Variants in CRYBG3 observed in about 807,000 individuals in gnomAD.
CRYBG3 encodes the protein very large A-kinase anchor protein.
Under a neutral mutation model 244.2 loss-of-function variants are expected in CRYBG3, and 127 were observed. The ratio of observed to expected loss-of-function variants is 0.52; its 90% CI spans 0.45 to 0.60. The LOEUF (loss-of-function observed/expected upper bound fraction) is 0.60. Among genes scored for constraint, CRYBG3 ranks in the 20% least tolerant of loss-of-function variants. CRYBG3 has a pLI of 0.00. For missense variants in CRYBG3, 3,325 were observed against 3,442.5 expected, an observed-to-expected ratio of 0.97 and a Z score of 0.85; for synonymous variants, 1,132 against 1,195.8, an observed-to-expected ratio of 0.95 and a Z score of 1.10.
chr3:97,886,855 G>A, intron 8 of CRYBG3, 88 bp downstream of exon 8: 1 of 1,177,692 alleles, frequency 8.5e-7, no homozygotes, highest in Non-Finnish European at 1.2e-6. Flanking sequence ...AAAGTTTCTA[G>A]CTAATGTTTA....
In CRYBG3 at chr3:97,875,873, A is replaced by G. The variant is rs887744635; in HGVS notation, c.4679A>G (p.Lys1560Arg). The G allele has an allele frequency of 1.6e-5, 20 of 1,231,900 alleles. No individual in the cohort carries two copies. The highest frequency in any genetic ancestry group is 3.2e-5 in the East Asian group (1 of 31,704). 76.3% of individuals were successfully genotyped at this position (1,231,900 alleles called of 1,614,324 possible). The change falls in exon 4 of 22, where the codon AAA becomes AGA. Residue 1560 changes from lysine (K) to arginine (R), a missense_variant. Lys to Arg is a conservative substitution (Grantham distance 26). Around this residue, in one of 4 missense-constraint regions of CRYBG3, gnomAD observed 635 missense variants for 771.7 expected, o/e 0.82. Coordinates refer to ENST00000389622, the MANE Select transcript of CRYBG3 (RefSeq NM_153605.4). Reference sequence around the variant, plus strand: ...AAGGATGCTGAATTGAATATTCTGAAATATGAGGCAGTCCCTCCTATGATA... The same window carrying G: ...AAGGATGCTGAATTGAATATTCTGAGATATGAGGCAGTCCCTCCTATGATA... ...NKKDAELNIL[K>R]YEAVPPMIEM...
At chr3:97,924,172 A>G (rs987434920) in intron 17 of CRYBG3, 4 of 317,368 alleles carry the variant, frequency 1.3e-5, no homozygotes, top group African/African-American at 2.3e-5. Context: ...CAGCATTCCA[A>G]TGGAGCTATG....
chr3:97,822,454 C>CTGCA lies in CRYBG3; in HGVS notation c.149+100_149+103dup, dbSNP rs1448118665. On this transcript the variant is annotated intron_variant, in intron 1 of 21. Transcript: ENST00000389622. ...GGCAGCGGGCCGCTCTTGGGCCAGG[C>CTGCA]TGCAGTTCGCTCGCCACTTTCTGTT... The CTGCA allele has an allele frequency of 8.7e-6, 10 of 1,146,590 alleles. No individual in the cohort carries two copies. In the Middle Eastern group the frequency reaches 9.1e-4, roughly 105 times the overall value. The allele number at this position is 1,146,590 out of a possible 1,614,324, so 71.0% of individuals were successfully genotyped here.
Position 97,877,668 on chromosome 3 carries a change from G to T in CRYBG3, c.6474G>T (p.Leu2158Phe). 1.2e-6 allele frequency: 2 copies of T among 1,614,106 alleles called. No individual in the cohort carries two copies. The highest frequency in any genetic ancestry group is 1.1e-5 in the South Asian group (1 of 91,078). Residue 2158 changes from leucine to phenylalanine, a missense_variant, in exon 4 of 22, where the codon TTG (leucine) becomes TTT (phenylalanine). Leu to Phe is a conservative substitution (Grantham distance 22). This residue lies in a region of CRYBG3 where 450 missense variants were observed against 424.1 expected (regional missense o/e 1.06). Coordinates refer to ENST00000389622, the MANE Select transcript of CRYBG3 (RefSeq NM_153605.4). ...EEEEEEEAAV[L>F]HKGDLRAGSG... is the part of the protein sequence containing the mutation. Reference sequence around the variant, plus strand: ...AAGAGGAGGAGGAGGCAGCAGTATTGCATAAAGGAGATCTGAGAGCTGGAA... The same window carrying T: ...AAGAGGAGGAGGAGGCAGCAGTATTTCATAAAGGAGATCTGAGAGCTGGAA...
At chr3:97,900,710 T>C (rs1323696378) in intron 15 of CRYBG3, among the ~76,000 whole-genome samples, 1 of 152,210 alleles carries the variant, frequency 6.6e-6, no homozygotes, top group Non-Finnish European at 1.5e-5. Flanking sequence ...GACAGAGCGG[T>C]AGCTCTGACC....
chr3:97,876,033 T>C lies in CRYBG3; in HGVS notation c.4839T>C (p.Ala1613=). The C allele has an allele frequency of 3.2e-6, 4 of 1,232,066 alleles. No individual in the cohort carries two copies. The highest frequency in any genetic ancestry group is 4.0e-6 in the Non-Finnish European group (4 of 987,924). The allele number at this position is 1,232,066 out of a possible 1,614,324, so 76.3% of individuals were successfully genotyped here. Residue 1613 remains alanine (A), a synonymous_variant, in exon 4 of 22, where the codon GCT becomes GCC. Coordinates refer to ENST00000389622, the MANE Select transcript of CRYBG3 (RefSeq NM_153605.4). ...ESCIEKTEGS[A]VILGMEKAYK... is the part of the protein sequence containing the mutation. ...GTATTGAAAAAACTGAGGGATCAGC[T>C]GTCATTTTAGGAATGGAAAAAGCTT...
intron 2 of CRYBG3, among the ~76,000 whole-genome samples, chr3:97,861,122 C>T (rs1576527346): frequency 1.3e-5 from 2 of 152,224 alleles, no homozygotes; most frequent in Admixed American, 1.3e-4. Flanking sequence ...CCCACCACTT[C>T]TAACTGGTCA....
chr3:97,840,995 A>G (rs1270667481), intron 1 of CRYBG3, among the ~76,000 whole-genome samples: 1 of 152,096 alleles, frequency 6.6e-6, no homozygotes, highest in Non-Finnish European at 1.5e-5. Flanking sequence ...GGCAAAAGAT[A>G]AAGACTAGTA....
In CRYBG3 at chr3:97,871,824, C is replaced by T; in HGVS notation, c.648-18C>T. 6.9e-7 allele frequency: 1 copy of T among 1,458,486 alleles called. No individual in the cohort carries two copies. The highest frequency in any genetic ancestry group is 9.0e-7 in the Non-Finnish European group (1 of 1,110,656). The allele number at this position is 1,458,486 out of a possible 1,614,324, so 90.3% of individuals were successfully genotyped here. On this transcript the variant is annotated intron_variant, in intron 3 of 21. Transcript: ENST00000389622. The stretch of plus-strand genomic sequence containing the variant: ...TATTAATTATATTTCCTGATACTCT[C>T]ATGCTTTCTTTTTACAGACAAATCG...
At position 97,875,825 on chromosome 3, in the gene CRYBG3, TAGAAAC is replaced by T. The variant is rs1282910206; in HGVS notation, c.4634_4639del (p.Glu1545_Thr1546del). ...AAAATTGAACTTATACCTTCCATGT[TAGAAAC>T]AGGGAAAACAAACAAAAAGGATGCT... On this transcript the variant is annotated inframe_deletion, in exon 4 of 22. Coordinates refer to ENST00000389622, the MANE Select transcript of CRYBG3 (RefSeq NM_153605.4). 2.9e-5 allele frequency: 36 copies of T among 1,231,864 alleles called. No homozygotes were observed. Among genetic ancestry groups the T allele is most frequent in the Non-Finnish European group, 3.4e-5 (34 of 987,880 alleles). The allele number at this position is 1,231,864 out of a possible 1,614,324, so 76.3% of individuals were successfully genotyped here. A position where few individuals can be genotyped will look rare whatever the true frequency, so the allele number is the denominator to read the frequency against.
chr3:97,937,878 T>C (rs1037289900), intron 19 of CRYBG3, among the ~76,000 whole-genome samples: 6 of 152,126 alleles, frequency 3.9e-5, no homozygotes, highest in Non-Finnish European at 7.4e-5. Flanking sequence ...CTGCCAATAT[T>C]ATTAAAGCTT....
intron 15 of CRYBG3, among the ~76,000 whole-genome samples, chr3:97,902,655 G>T (rs752582448): frequency 6.6e-6 from 1 of 151,830 alleles, no homozygotes; most frequent in Non-Finnish European, 1.5e-5. Flanking sequence ...CCTTCTCTGT[G>T]CCCATATGTT....
chr3:97,861,453 G>A (rs2039146603), intron 2 of CRYBG3, among the ~76,000 whole-genome samples: 1 of 152,126 alleles, frequency 6.6e-6, no homozygotes, highest in Admixed American at 6.6e-5. Flanking sequence ...TATACATAAT[G>A]CTTTCCTGTA....
rs1306256941 is a variant in CRYBG3, at chr3:97,822,192, C to T, written c.-15C>T. 2.0e-6 allele frequency: 3 copies of T among 1,508,302 alleles called. No individual in the cohort carries two copies. Among genetic ancestry groups the T allele is most frequent in the Non-Finnish European group, 1.8e-6 (2 of 1,133,614 alleles). The allele number at this position is 1,508,302 out of a possible 1,614,324, so 93.4% of individuals were successfully genotyped here. A position where few individuals can be genotyped will look rare whatever the true frequency, so the allele number is the denominator to read the frequency against. The stretch of plus-strand genomic sequence containing the variant: ...TTCCCTTCAGACAGCCCCGGGCCAG[C>T]GGCCCCCTCGGGAAATGTCCAGCGG... On this transcript the variant is annotated 5_prime_UTR_variant, in exon 1 of 22. Transcript: ENST00000389622.
rs1290309306 is a variant in CRYBG3, at chr3:97,896,059, A to G, written c.7675A>G (p.Ile2559Val). The G allele has an allele frequency of 2.5e-6, 4 of 1,612,878 alleles. No individual in the cohort carries two copies. In the Admixed American group the frequency reaches 6.7e-5, roughly 27 times the overall value. ...TGCTTGTGGTGCATTAAGTAGCCCT[A>G]TCTTGTCTTTCCGGTACTTACAAGC... ...SNACGALSSP[I>V]LSFRYLQANF... is the part of the protein sequence containing the mutation. Residue 2559 changes from isoleucine (I) to valine (V), a missense_variant, in exon 12 of 22, where the codon ATC becomes GTC. This residue lies in a region of CRYBG3 where 714 missense variants were observed against 803.6 expected (regional missense o/e 0.89). Coordinates refer to ENST00000389622, the MANE Select transcript of CRYBG3 (RefSeq NM_153605.4).
intron 11 of CRYBG3, among the ~76,000 whole-genome samples, chr3:97,893,983 G>T (rs757816884): frequency 6.6e-6 from 1 of 152,126 alleles, no homozygotes; most frequent in Non-Finnish European, 1.5e-5. Flanking sequence ...TCAATTATTA[G>T]TCTGACATAT....
chr3:97,877,285 G>C lies in CRYBG3; in HGVS notation c.6091G>C (p.Ala2031Pro), dbSNP rs373788515. 1.9e-6 allele frequency: 3 copies of C among 1,613,924 alleles called. No individual in the cohort carries two copies. In the African/African-American group the frequency reaches 4.0e-5, roughly 22 times the overall value. ...GTCTGTCTTGTTTCATGATACGTCCGCTGACAGCATGCCTGTTCTGGCATG... is the reference window on the plus strand; with the variant it reads ...GTCTGTCTTGTTTCATGATACGTCCCCTGACAGCATGCCTGTTCTGGCATG... The part of the protein sequence containing the change: ...TQSVLFHDTS[A>P]DSMPVLACER... The change falls in exon 4 of 22, where the codon GCT (alanine) becomes CCT (proline). Residue 2031 changes from alanine (A) to proline (P), a missense_variant. By Grantham distance (27) the Ala-to-Pro change is conservative. Transcript: ENST00000389622.
intron 12 of CRYBG3, among the ~76,000 whole-genome samples, chr3:97,896,335 C>G (rs1180322680): frequency 6.6e-6 from 1 of 152,042 alleles, no homozygotes; most frequent in Non-Finnish European, 1.5e-5. Context: ...CAGGAGTGGC[C>G]AGACTCAACC....
In CRYBG3 at chr3:97,874,548, T is replaced by C; in HGVS notation, c.3354T>C (p.Ile1118=). The change falls in exon 4 of 22, where the codon ATT becomes ATC. Residue 1118 remains isoleucine, a synonymous_variant. Coordinates refer to ENST00000389622, the MANE Select transcript of CRYBG3 (RefSeq NM_153605.4). ...TGGAATTTGAAACGTCTGTCTCAAT[T>C]GGGACAGAAGTAACCCCATTTCAGG... is the stretch of plus-strand genomic sequence containing the variant. ...SYLEFETSVS[I]GTEVTPFQEH... The C allele has an allele frequency of 6.5e-7, 1 of 1,533,150 alleles. No individual in the cohort carries two copies. Among genetic ancestry groups the C allele is most frequent in the South Asian group, 1.2e-5 (1 of 83,962 alleles). The allele number at this position is 1,533,150 out of a possible 1,614,324, so 95.0% of individuals were successfully genotyped here. A position where few individuals can be genotyped will look rare whatever the true frequency, so the allele number is the denominator to read the frequency against.
Sources: gnomAD v4.1 joint callset for allele counts (sites outside exome capture counted in the v4.1 genomes callset) on GRCh38, gnomAD v4.1.1 for gene constraint, gnomAD v4.1.1 regional missense constraint, MANE v1.5 for transcripts, NCBI Gene and HGNC (gene_info 2026-07-23, HGNC 2026-07-21) for gene names.